The following STAT5B variants were observed in gnomAD, a reference collection of about 807,000 sequenced individuals.
STAT5B encodes signal transducer and activator of transcription 5B.
STAT5B carries 21 observed loss-of-function variants against 107.8 expected under a neutral mutation model. That is an observed-to-expected ratio of 0.19 (90% confidence interval 0.14 to 0.28). STAT5B has a LOEUF of 0.28. Ranked by LOEUF, STAT5B falls within the 10% of genes least tolerant of loss-of-function variation. The probability of loss-of-function intolerance (pLI) is 1.00; values close to 1 mark genes in which losing one functional copy is unlikely to be tolerated. For missense variants in STAT5B, 565 were observed against 1,008.2 expected, an observed-to-expected ratio of 0.56 and a Z score of 5.95; for synonymous variants, 325 against 401.7, an observed-to-expected ratio of 0.81 and a Z score of 2.28.
Position 42,213,773 on chromosome 17 carries a change from C to G in STAT5B, c.1474-1583G>C, listed in dbSNP as rs998238578. The stretch of plus-strand genomic sequence containing the variant: ...CGAATTCCTGACCTCAAATGATCCA[C>G]CCACCTCGGCCTCCCAAAGTGCTGG... On this transcript the variant is annotated intron_variant, in intron 12 of 18. Coordinates refer to ENST00000293328, the MANE Select transcript of STAT5B (RefSeq NM_012448.4). Among the ~76,000 whole-genome samples the G allele has an allele frequency of 4.0e-5, 6 of 149,488 alleles. No individual in the cohort carries two copies. In the Admixed American group the frequency reaches 4.0e-4, roughly 10 times the overall value.
At chr17:42,220,612 G>C (rs983457295) in intron 5 of STAT5B, among the ~76,000 whole-genome samples, 1 of 152,080 alleles carries the variant, frequency 6.6e-6, no homozygotes, top group Non-Finnish European at 1.5e-5. Flanking sequence ...ACCAACCAGG[G>C]AACACGGACA....
In STAT5B at chr17:42,224,781, T is replaced by C; in HGVS notation, c.373A>G (p.Asn125Asp). The change falls in exon 4 of 19, where the codon AAT becomes GAT. Residue 125 changes from asparagine (N) to aspartate (D), a missense_variant and splice_region_variant. Coordinates refer to ENST00000293328, the MANE Select transcript of STAT5B (RefSeq NM_012448.4). ...CCCCATCCCTATGGGACACTCACAT[T>C]GTTGGCTTCTCGGACCAACCTCTGT... is the stretch of plus-strand genomic sequence containing the variant. ...NEQRLVREANNGSSPAGSLAD... is the reference protein window; with the variant it reads ...NEQRLVREANDGSSPAGSLAD... 1 of 1,613,798 alleles carries C rather than the reference T, an allele frequency of 6.2e-7. No homozygotes were observed. The highest frequency in any genetic ancestry group is 2.2e-5 in the East Asian group (1 of 44,854).
Position 42,212,099 on chromosome 17 carries a change from T to A in STAT5B, c.1565A>T (p.Asn522Ile). 6.2e-7 allele frequency: 1 copy of A among 1,614,142 alleles called. No homozygotes were observed. The highest frequency in any genetic ancestry group is 2.2e-5 in the East Asian group (1 of 44,882). The change falls in exon 13 of 19, where the codon AAC (asparagine) becomes ATC (isoleucine). Residue 522 changes from asparagine to isoleucine, a missense_variant. Physicochemically the swap from Asn to Ile is moderately radical, Grantham distance 149 (BLOSUM62 -3). Around this residue, in one of 11 missense-constraint regions of STAT5B, gnomAD observed 127 missense variants for 215.8 expected, o/e 0.59. Coordinates refer to ENST00000293328, the MANE Select transcript of STAT5B (RefSeq NM_012448.4). ...NMKFKAEVQS[N>I]RGLTKENLVF... ...GAGGTTCTCCTTGGTCAGGCCCCGG[T>A]TGCTCTGCACTTCGGCCTTGAATTT... is the stretch of plus-strand genomic sequence containing the variant.
intron 1 of STAT5B, among the ~76,000 whole-genome samples, chr17:42,255,047 T>A (rs2080531194): frequency 6.6e-6 from 1 of 151,970 alleles, no homozygotes; most frequent in African/African-American, 2.4e-5. Flanking sequence ...GCCGAGATCG[T>A]GCCACTGCAC....
At chr17:42,208,519 A>C (rs1286239686) in intron 15 of STAT5B, among the ~76,000 whole-genome samples, 2 of 151,694 alleles carry the variant, frequency 1.3e-5, no homozygotes, top group African/African-American at 4.8e-5. Context: ...TAAATAAATA[A>C]AAATAAAAGC....
At chr17:42,211,447 G>A (rs1263049970) in intron 13 of STAT5B, among the ~76,000 whole-genome samples, 3 of 152,062 alleles carry the variant, frequency 2.0e-5, no homozygotes, top group Non-Finnish European at 4.4e-5. Flanking sequence ...CGGCGGTTGC[G>A]GTGAGCCAAG....
At chr17:42,247,700 C>T (rs1377706819) in intron 1 of STAT5B, among the ~76,000 whole-genome samples, 1 of 152,124 alleles carries the variant, frequency 6.6e-6, no homozygotes. Context: ...GTAATCTCAG[C>T]ACTTTGGGAG....
intron 11 of STAT5B, 70 bp downstream of exon 11, chr17:42,217,090 T>A (rs889363837): frequency 2.6e-6 from 4 of 1,552,838 alleles, no homozygotes; most frequent in African/African-American, 1.4e-5. Flanking sequence ...AAAAAAAAAA[T>A]ATTTTGTAAC....
chr17:42,249,549 A>G (rs16967611), intron 1 of STAT5B, among the ~76,000 whole-genome samples: 56,470 of 152,046 alleles, frequency 0.37, 12,080 homozygotes, highest in African/African-American at 0.59. Flanking sequence ...GGCACAGGCA[A>G]GGTTCAATGC....
Position 42,223,539 on chromosome 17 carries a change from TCCAGCTGGAGAGCTAC to T in STAT5B, c.377_392del (p.Gly126GlufsTer32). ...TCTGGGACATGGCATCAGCAAGGCT[TCCAGCTGGAGAGCTAC>T]CCTGGGAACATATGGGGGGCAGTGC... On this transcript the variant is annotated frameshift_variant and splice_region_variant, in exon 5 of 19. Coordinates refer to ENST00000293328, the MANE Select transcript of STAT5B (RefSeq NM_012448.4). LOFTEE classifies it high-confidence loss of function. 1 of 1,614,194 alleles carries T rather than the reference TCCAGCTGGAGAGCTAC, an allele frequency of 6.2e-7. No homozygotes were observed. The highest frequency in any genetic ancestry group is 8.5e-7 in the Non-Finnish European group (1 of 1,180,024).
rs533819922 is a variant in STAT5B at position 42,207,524 on chromosome 17, C to CACACA, written c.2077+33_2077+34insTGTGT. On this transcript the variant is annotated intron_variant, in intron 16 of 18. Coordinates refer to ENST00000293328, the MANE Select transcript of STAT5B (RefSeq NM_012448.4). Reference sequence around the variant, plus strand: ...ACACACACACACACACACACACACACAACAAAATCAAATCAGAATGCGAAC... The same window carrying CACACA: ...ACACACACACACACACACACACACACACACAAACAAAATCAAATCAGAATGCGAAC... 2.7e-4 allele frequency: 392 copies of CACACA among 1,471,334 alleles called. 6 individuals are homozygous for CACACA. In the African/African-American group the frequency reaches 9.7e-3, roughly 36 times the overall value. The allele number at this position is 1,471,334 out of a possible 1,614,324, so 91.1% of individuals were successfully genotyped here.
chr17:42,281,253 G>A (rs1282834710), upstream of STAT5B, among the ~76,000 whole-genome samples: 1 of 152,144 alleles, frequency 6.6e-6, no homozygotes, highest in Non-Finnish European at 1.5e-5. Context: ...AGGGGGTAGA[G>A]TGTAATATAT....
intron 1 of STAT5B, among the ~76,000 whole-genome samples, chr17:42,236,740 A>G (rs938312802): frequency 6.6e-6 from 1 of 152,108 alleles, no homozygotes; most frequent in Non-Finnish European, 1.5e-5. Flanking sequence ...CCTGGCAGTT[A>G]AGTAGTATTT....
chr17:42,201,959 C>T, intron 18 of STAT5B, 95 bp from the exon 19 acceptor site: 1 of 1,202,318 alleles, frequency 8.3e-7, no homozygotes, highest in East Asian at 2.5e-5. Flanking sequence ...TCTGAGCCAG[C>T]CTATGCCCTC....
At chr17:42,228,681 T>C (rs1018717905) in intron 2 of STAT5B, among the ~76,000 whole-genome samples, 1 of 152,092 alleles carries the variant, frequency 6.6e-6, no homozygotes, top group African/African-American at 2.4e-5. Flanking sequence ...CCTGTGATCC[T>C]AGCATTTTGG....
chr17:42,202,983 T>A, intron 16 of STAT5B, 175 bp from the exon 17 acceptor site: 2 of 834,262 alleles, frequency 2.4e-6, no homozygotes, highest in Non-Finnish European at 3.9e-6. Context: ...CACTCTCTCA[T>A]CCAGGCTGGA....
At chr17:42,279,531 T>TA (rs1416932502), upstream of STAT5B, among the ~76,000 whole-genome samples, 2 of 152,148 alleles carry the variant, frequency 1.3e-5, no homozygotes, top group African/African-American at 4.8e-5. Flanking sequence ...CTCACGCCTG[T>TA]AATCCCAGCA....
intron 1 of STAT5B, among the ~76,000 whole-genome samples, chr17:42,247,151 G>A (rs1386866727): frequency 6.6e-6 from 1 of 152,154 alleles, no homozygotes; most frequent in Admixed American, 6.5e-5. Context: ...AGGGGGCCCT[G>A]AGATGTTTCT....
intron 5 of STAT5B, among the ~76,000 whole-genome samples, chr17:42,220,930 C>T (rs2080220874): frequency 6.6e-6 from 1 of 151,794 alleles, no homozygotes; most frequent in South Asian, 2.1e-4. Flanking sequence ...CAGCGACAGC[C>T]CGTCTCCACC....
Sources: allele counts gnomAD v4.1 joint callset (sites outside exome capture counted in the v4.1 genomes callset), GRCh38; gene constraint gnomAD v4.1.1; regional missense constraint gnomAD v4.1.1; transcripts MANE v1.5; gene names NCBI Gene and HGNC (gene_info 2026-07-23, HGNC 2026-07-21).